TBC1D19: variants seen among roughly 807,000 people sequenced by gnomAD.
The protein encoded by TBC1D19 is TBC1 domain family, member 19.
TBC1D19 carries 60 observed loss-of-function variants against 89.0 expected under a neutral mutation model. The observed-to-expected ratio is 0.67, with a 90% CI of 0.55 to 0.84. TBC1D19 has a LOEUF of 0.84. Ranked by LOEUF, TBC1D19 falls within the 40% of genes least tolerant of loss-of-function variation. The pLI, the probability that TBC1D19 is intolerant of heterozygous loss-of-function variation, is 0.00. For synonymous variants in TBC1D19, 189 were observed against 199.7 expected (o/e 0.95, Z 0.45); for missense variants, 500 against 610.8 (o/e 0.82, Z 1.91).
chr4:26,753,193 T>C (rs1719070937), intron 19 of TBC1D19, among the ~76,000 whole-genome samples: 1 of 152,204 alleles, frequency 6.6e-6, no homozygotes, highest in Non-Finnish European at 1.5e-5. Context: ...AGAAAAGGCT[T>C]TAAAGCCATG....
intron 13 of TBC1D19, among the ~76,000 whole-genome samples, chr4:26,702,110 G>A (rs1229855748): frequency 6.6e-6 from 1 of 152,094 alleles, no homozygotes; most frequent in Non-Finnish European, 1.5e-5. Flanking sequence ...AGTCAGTGAG[G>A]GCATCTGTTT....
the TBC1D19 span, among the ~76,000 whole-genome samples, chr4:26,781,663 G>A: frequency 6.6e-6 from 1 of 152,188 alleles, no homozygotes; most frequent in Admixed American, 6.5e-5. Context: ...GCAGAAATAT[G>A]TTTTCCCATG....
chr4:26,832,799 G>T, the TBC1D19 span, among the ~76,000 whole-genome samples: 1 of 152,126 alleles, frequency 6.6e-6, no homozygotes, highest in Non-Finnish European at 1.5e-5. Flanking sequence ...CCAGAGACCA[G>T]CCTGGCAAAC....
rs149657049 is a variant in TBC1D19 at position 26,597,458 on chromosome 4, A to G, written c.99+13166A>G. ...TTATTTTCACCTTCTTTGTGACTGT[A>G]TTTAATGTATATCTTGTAAAGACGT... On this transcript the variant is annotated intron_variant, in intron 1 of 20. Transcript: ENST00000264866. 9.2e-4 allele frequency among the ~76,000 whole-genome samples: 137 copies of G among 148,750 alleles called. 3 individuals are homozygous for G. The South Asian group carries it at 0.019, about 21-fold the overall frequency.
chr4:26,850,432 C>G, the TBC1D19 span, among the ~76,000 whole-genome samples: 1 of 148,876 alleles, frequency 6.7e-6, no homozygotes, highest in Non-Finnish European at 1.5e-5. Context: ...CCTGTAGTCC[C>G]GGCTACTTGG....
the TBC1D19 span, among the ~76,000 whole-genome samples, chr4:26,827,781 G>A: frequency 1.3e-5 from 2 of 150,756 alleles, no homozygotes; most frequent in Non-Finnish European, 2.9e-5. Flanking sequence ...CTATTTACAG[G>A]TGCAATAATG....
chr4:26,711,669 G>A (rs1366377274), intron 13 of TBC1D19, among the ~76,000 whole-genome samples: 1 of 151,966 alleles, frequency 6.6e-6, no homozygotes, highest in Non-Finnish European at 1.5e-5. Context: ...ACTATCATGT[G>A]TAGCTTCATC....
At chr4:26,802,137 G>T in the TBC1D19 span, among the ~76,000 whole-genome samples, 1 of 152,036 alleles carries the variant, frequency 6.6e-6, no homozygotes, top group African/African-American at 2.4e-5. Flanking sequence ...TAGATACACA[G>T]AAGTATACTA....
At chr4:26,688,980 A>G (rs1370682079) in intron 13 of TBC1D19, among the ~76,000 whole-genome samples, 1 of 152,084 alleles carries the variant, frequency 6.6e-6, no homozygotes, top group Non-Finnish European at 1.5e-5. Context: ...TTGATTTTGA[A>G]TGAATGTCAA....
At chr4:26,807,016 ACACT>A in the TBC1D19 span, among the ~76,000 whole-genome samples, 15 of 152,126 alleles carry the variant, frequency 9.9e-5, no homozygotes, top group African/African-American at 1.7e-4. Flanking sequence ...AACTAATATA[ACACT>A]CAATCACTGG....
chr4:26,609,122 T>G (rs948294504), intron 1 of TBC1D19, among the ~76,000 whole-genome samples: 5 of 149,576 alleles, frequency 3.3e-5, no homozygotes, highest in African/African-American at 9.8e-5. Context: ...GATGAGTTAA[T>G]GGGTGCAGCA....
At chr4:26,851,183 G>C in the TBC1D19 span, among the ~76,000 whole-genome samples, 1 of 152,126 alleles carries the variant, frequency 6.6e-6, no homozygotes, top group African/African-American at 2.4e-5. Context: ...CTCTTGTTCT[G>C]AGGCTTTCAG....
At chr4:26,767,437 G>A in the TBC1D19 span, among the ~76,000 whole-genome samples, 25 of 152,132 alleles carry the variant, frequency 1.6e-4, no homozygotes, top group African/African-American at 5.6e-4. Context: ...ACTCCCAGAA[G>A]TCATATGTTG....
At chr4:26,627,196 A>C (rs1433024690) in intron 4 of TBC1D19, among the ~76,000 whole-genome samples, 1 of 151,562 alleles carries the variant, frequency 6.6e-6, no homozygotes, top group African/African-American at 2.4e-5. Context: ...AATTTCATCC[A>C]TGTCCCTACA....
At chr4:26,617,752 G>A (rs1741785353) in intron 3 of TBC1D19, among the ~76,000 whole-genome samples, 2 of 152,154 alleles carry the variant, frequency 1.3e-5, no homozygotes. Context: ...GTACAGAGCA[G>A]TTTATAAGAA....
chr4:26,840,924 G>C, the TBC1D19 span, among the ~76,000 whole-genome samples: 127,055 of 152,048 alleles, frequency 0.84, 53,331 homozygotes, highest in Middle Eastern at 0.97. Flanking sequence ...AACCTTCCCC[G>C]ACCCAGGTCC....
At chr4:26,818,992 C>T in the TBC1D19 span, among the ~76,000 whole-genome samples, 1 of 152,200 alleles carries the variant, frequency 6.6e-6, no homozygotes, top group African/African-American at 2.4e-5. Flanking sequence ...TTTGTGCAAA[C>T]ACTGTCTATG....
chr4:26,628,915 A>C (rs10026536), intron 4 of TBC1D19, among the ~76,000 whole-genome samples: 3,896 of 151,996 alleles, frequency 0.026, 165 homozygotes, highest in African/African-American at 0.089. Flanking sequence ...AATCAATATC[A>C]TGAAAATGGC....
At position 26,659,707 on chromosome 4, in the gene TBC1D19, G is replaced by A. The variant is rs1459519655; in HGVS notation, c.591G>A (p.Leu197=). 4.5e-6 allele frequency: 7 copies of A among 1,551,302 alleles called. No homozygotes were observed. The highest frequency in any genetic ancestry group is 1.2e-5 in the South Asian group (1 of 83,094). ...VPLKVKDIPE[L]KECFVELGLN... ...TGAAAGTAAAAGACATCCCTGAATTGGTAAGTATAGAAACTTAAAAATAAA... is the reference window on the plus strand; with the variant it reads ...TGAAAGTAAAAGACATCCCTGAATTAGTAAGTATAGAAACTTAAAAATAAA... Residue 197 remains leucine (L), a splice_region_variant and synonymous_variant, in exon 8 of 21, where the codon TTG becomes TTA. Transcript: ENST00000264866.
Sources: gnomAD v4.1 joint callset for allele counts (sites outside exome capture counted in the v4.1 genomes callset) on GRCh38, gnomAD v4.1.1 for gene constraint, MANE v1.5 for transcripts, NCBI Gene and HGNC (gene_info 2026-07-23, HGNC 2026-07-21) for gene names.